The following ESD variants were observed in gnomAD, a reference collection of about 807,000 sequenced individuals.
ESD encodes the protein S-formylglutathione hydrolase.
In ESD, 34 loss-of-function variants were observed where a neutral mutation model predicts 38.1. The ratio of observed to expected loss-of-function variants is 0.89; its 90% CI spans 0.68 to 1.19. The LOEUF (loss-of-function observed/expected upper bound fraction) is 1.19, where lower values mean the gene tolerates loss of function less well. ESD is among the 50% of genes most tolerant of loss of function. The pLI, the probability that ESD is intolerant of heterozygous loss-of-function variation, is 0.00. For missense variants in ESD, 334 were observed against 327.2 expected, an observed-to-expected ratio of 1.02 and a Z score of -0.16; for synonymous variants, 97 against 107.0, an observed-to-expected ratio of 0.91 and a Z score of 0.58.
intron 8 of ESD, among the ~76,000 whole-genome samples, chr13:46,778,982 A>G (rs958314579): frequency 3.2e-5 from 4 of 123,428 alleles, no homozygotes; most frequent in African/African-American, 1.2e-4. Flanking sequence ...CTTTAAGACA[A>G]AGAAGTTGCA....
At chr13:46,781,369 C>T (rs1874993732) in intron 7 of ESD, 127 bp downstream of exon 7, 1 of 788,464 alleles carries the variant, frequency 1.3e-6, no homozygotes, top group Non-Finnish European at 1.9e-6. Context: ...TTCAAACACC[C>T]CAAAGTTCTC....
chr13:46,772,988 GTTT>G (rs1874664875), intron 9 of ESD, among the ~76,000 whole-genome samples: 1 of 152,036 alleles, frequency 6.6e-6, no homozygotes, highest in African/African-American at 2.4e-5. Context: ...CTGGCCTGGT[GTTT>G]GGTTTTCTAT....
At chr13:46,791,526 T>C (rs1419317329) in intron 2 of ESD, 106 bp from the exon 3 acceptor site, 1 of 787,238 alleles carries the variant, frequency 1.3e-6, no homozygotes, top group East Asian at 2.7e-5. Context: ...ACAACTATTT[T>C]CTACTTAGAA....
intron 3 of ESD, among the ~76,000 whole-genome samples, chr13:46,791,043 T>TA (rs1875378522): frequency 6.6e-6 from 1 of 152,188 alleles, no homozygotes; most frequent in Non-Finnish European, 1.5e-5. Flanking sequence ...TTCCTACACT[T>TA]AGAGATCCTC....
At chr13:46,772,838 C>A (rs1874654830) in intron 9 of ESD, among the ~76,000 whole-genome samples, 1 of 152,148 alleles carries the variant, frequency 6.6e-6, no homozygotes. Flanking sequence ...GTGCATGCCA[C>A]CATGCCCAGC....
intron 6 of ESD, among the ~76,000 whole-genome samples, chr13:46,782,042 C>T (rs1875020811): frequency 1.3e-5 from 2 of 151,430 alleles, no homozygotes; most frequent in African/African-American, 2.4e-5. Context: ...TGGCATATGA[C>T]AGAATATTAC....
intron 7 of ESD, 58 bp from the exon 8 acceptor site, chr13:46,780,091 A>T: frequency 1.7e-6 from 2 of 1,148,150 alleles, no homozygotes; most frequent in Non-Finnish European, 2.5e-6. Flanking sequence ...AAATATGAAT[A>T]GATATTTGCA....
chr13:46,780,665 A>C (rs1874966094), intron 7 of ESD, among the ~76,000 whole-genome samples: 1 of 151,734 alleles, frequency 6.6e-6, no homozygotes, highest in Non-Finnish European at 1.5e-5. Flanking sequence ...AAAAATGGAA[A>C]TAAAAGTGCT....
chr13:46,789,835 GAC>G (rs1416678815), intron 3 of ESD, among the ~76,000 whole-genome samples: 1 of 151,586 alleles, frequency 6.6e-6, no homozygotes, highest in Non-Finnish European at 1.5e-5. Flanking sequence ...TGTTTTTTGA[GAC>G]AGAGTTTCGC....
Position 46,782,769 on chromosome 13 carries a change from T to C in ESD, c.279A>G (p.Glu93=), listed in dbSNP as rs1391682550. The change falls in exon 6 of 10, where the codon GAA becomes GAG. Residue 93 remains glutamate, a synonymous_variant. Transcript: ENST00000378720. The part of the protein sequence containing the change: ...TSPRGCNIKG[E]DESWDFGTGA... ...CAGTGCCAAAGTCCCAGCTCTCATCTTCACCTTTAATATTGCAGCCACCTA... is the reference window on the plus strand; with the variant it reads ...CAGTGCCAAAGTCCCAGCTCTCATCCTCACCTTTAATATTGCAGCCACCTA... 6.2e-7 allele frequency: 1 copy of C among 1,612,242 alleles called. No individual in the cohort carries two copies.
chr13:46,784,267 G>T lies in ESD; in HGVS notation c.241C>A (p.Pro81Thr). 6.2e-7 allele frequency: 1 copy of T among 1,611,546 alleles called. No individual in the cohort carries two copies. Among genetic ancestry groups the T allele is most frequent in the Non-Finnish European group, 8.5e-7 (1 of 1,178,594 alleles). ...ASEHGLVVIA[P>T]DTSPRGCNIK... is the part of the protein sequence containing the mutation. ...AAACACTTACGAGGGCTGGTATCTGGAGCAATGACAACAAGACCATGTTCT... is the reference window on the plus strand; with the variant it reads ...AAACACTTACGAGGGCTGGTATCTGTAGCAATGACAACAAGACCATGTTCT... Residue 81 changes from proline to threonine, a missense_variant, in exon 5 of 10, where the codon CCA becomes ACA. Transcript: ENST00000378720.
chr13:46,784,364 A>G lies in ESD; in HGVS notation c.158-14T>C. On this transcript the variant is annotated splice_polypyrimidine_tract_variant and intron_variant, in intron 4 of 9. Transcript: ENST00000378720. Reference sequence around the variant, plus strand: ...TGCAAGTTAAACCTGAAGATAAAAAATATTGTTATTGGGCACACATGGACA... The same window carrying G: ...TGCAAGTTAAACCTGAAGATAAAAAGTATTGTTATTGGGCACACATGGACA... 6.4e-7 allele frequency: 1 copy of G among 1,561,732 alleles called. No homozygotes were observed.
intron 9 of ESD, among the ~76,000 whole-genome samples, chr13:46,772,696 CT>C (rs553166742): frequency 1.6e-3 from 238 of 145,938 alleles, no homozygotes; most frequent in Admixed American, 1.8e-3. Flanking sequence ...GGTGTTTGGT[CT>C]TTTTTTTTTT....
At chr13:46,784,092 T>C (rs981579085) in intron 5 of ESD, among the ~76,000 whole-genome samples, 160 bp downstream of exon 5, 17 of 151,972 alleles carry the variant, frequency 1.1e-4, no homozygotes, top group Admixed American at 8.6e-4. Flanking sequence ...ATGAGGAAAA[T>C]GTACAGCATG....
chr13:46,772,830 G>C (rs1411993502), intron 9 of ESD, among the ~76,000 whole-genome samples: 2 of 152,064 alleles, frequency 1.3e-5, no homozygotes, highest in Non-Finnish European at 2.9e-5. Context: ...GACTACAGGT[G>C]CATGCCACCA....
intron 9 of ESD, chr13:46,775,652 A>T (rs755020230): frequency 1.6e-4 from 74 of 470,534 alleles, no homozygotes; most frequent in Non-Finnish European, 2.7e-4. Context: ...TCTCAACGAA[A>T]TCCGCTTCAA....
chr13:46,772,895 AG>A (rs557927462), intron 9 of ESD, among the ~76,000 whole-genome samples: 10 of 152,184 alleles, frequency 6.6e-5, no homozygotes, highest in Non-Finnish European at 1.5e-4. Context: ...CATGTTAGCC[AG>A]GATGGTCTCG....
chr13:46,780,484 A>G (rs1264036949), intron 7 of ESD, among the ~76,000 whole-genome samples: 1 of 151,544 alleles, frequency 6.6e-6, no homozygotes, highest in Non-Finnish European at 1.5e-5. Context: ...TTTTAATACA[A>G]CTCTGTGTTC....
chr13:46,785,388 T>C (rs1403366876), intron 4 of ESD, among the ~76,000 whole-genome samples: 1 of 152,074 alleles, frequency 6.6e-6, no homozygotes, highest in Non-Finnish European at 1.5e-5. Flanking sequence ...TGTATGGACA[T>C]GTTTTCAATT....
Sources: gnomAD v4.1 joint callset for allele counts (sites outside exome capture counted in the v4.1 genomes callset) on GRCh38, gnomAD v4.1.1 for gene constraint, MANE v1.5 for transcripts, NCBI Gene and HGNC (gene_info 2026-07-23, HGNC 2026-07-21) for gene names.